The following WDR41 variants were observed in gnomAD, a reference collection of about 807,000 sequenced individuals.
WDR41 encodes WD repeat-containing protein 41.
A neutral mutation model predicts 69.3 loss-of-function variants in WDR41; 63 were observed. The observed-to-expected ratio is 0.91, with a 90% CI of 0.74 to 1.12. The LOEUF (loss-of-function observed/expected upper bound fraction) is 1.12. WDR41 is among the 50% of genes most tolerant of loss of function. The pLI is 0.00. For synonymous variants in WDR41, 185 were observed against 192.1 expected (o/e 0.96, Z 0.31); for missense variants, 543 against 534.5 (o/e 1.02, Z -0.16).
At chr5:77,610,430 A>G (rs1744523242) in intron 1 of WDR41, among the ~76,000 whole-genome samples, 1 of 152,252 alleles carries the variant, frequency 6.6e-6, no homozygotes, top group African/African-American at 2.4e-5. Flanking sequence ...CCACAAAGGG[A>G]AGCCCGTCAG....
rs1802414256 is a variant in WDR41, at chr5:77,524,308, C to A, written c.43-34736G>T. On this transcript the variant is annotated intron_variant, in intron 1 of 5. Coordinates refer to the WDR41 transcript ENST00000509971. ...AGTACTATGGAAATAATAAATCAGG[C>A]CAAGTGCGGTGGCACACACCTGTAA... Among the ~76,000 whole-genome samples the A allele has an allele frequency of 2.6e-5, 4 of 152,250 alleles. No homozygotes were observed. The South Asian group carries it at 8.3e-4, about 32-fold the overall frequency.
intron 1 of WDR41, chr5:77,583,188 A>AT (rs57586676): frequency 0.028 from 23,287 of 841,020 alleles, 327 homozygotes; most frequent in South Asian, 0.12. Flanking sequence ...TCAAATTGAA[A>AT]TAAAAAAAAA....
intron 1 of WDR41, among the ~76,000 whole-genome samples, chr5:77,620,252 A>C (rs901427005): frequency 6.6e-6 from 1 of 152,204 alleles, no homozygotes; most frequent in African/African-American, 2.4e-5. Flanking sequence ...CCTACTGCTT[A>C]AAAGTTCTTT....
At position 77,528,037 on chromosome 5, in the gene WDR41, A is replaced by G. The variant is rs7710097; in HGVS notation, c.43-38465T>C. Among the ~76,000 whole-genome samples, 702 of 151,874 alleles carry G rather than the reference A, an allele frequency of 4.6e-3. 7 individuals carry two copies. The highest frequency in any genetic ancestry group is 0.016 in the African/African-American group (678 of 41,548). Reference sequence around the variant, plus strand: ...AGGAAAAGCACAGCAAATTAAAGTCAAAATAGGAAGAAAATAATAAAGATT... The same window carrying G: ...AGGAAAAGCACAGCAAATTAAAGTCGAAATAGGAAGAAAATAATAAAGATT... On this transcript the variant is annotated intron_variant, in intron 1 of 5. Coordinates refer to the WDR41 transcript ENST00000509971.
At chr5:77,612,683 T>C (rs189248717) in intron 1 of WDR41, among the ~76,000 whole-genome samples, 13,763 of 152,132 alleles carry the variant, frequency 0.09, 859 homozygotes, top group East Asian at 0.25. Context: ...CCACAGCCAA[T>C]ATCAAACTGA....
At chr5:77,615,489 T>C (rs1744661682) in intron 1 of WDR41, among the ~76,000 whole-genome samples, 1 of 151,914 alleles carries the variant, frequency 6.6e-6, no homozygotes, top group African/African-American at 2.4e-5. Flanking sequence ...TAAATGGTAG[T>C]TCATTGTACT....
intron 1 of WDR41, among the ~76,000 whole-genome samples, chr5:77,545,072 T>C (rs966879415): frequency 6.6e-6 from 1 of 152,076 alleles, no homozygotes; most frequent in South Asian, 2.1e-4. Flanking sequence ...TGAATGATCA[T>C]TGGGTGAAAA....
intron 2 of WDR41, among the ~76,000 whole-genome samples, chr5:77,479,575 C>A (rs962000234): frequency 2.0e-5 from 3 of 152,026 alleles, no homozygotes; most frequent in African/African-American, 7.2e-5. Context: ...AATGGGGAAA[C>A]GATTCCCTAT....
intron 1 of WDR41, among the ~76,000 whole-genome samples, chr5:77,537,899 C>T (rs7715454): frequency 4.7e-4 from 71 of 152,064 alleles, no homozygotes; most frequent in Admixed American, 1.4e-3. Flanking sequence ...ATAGAATAGA[C>T]GAAAATATAT....
At chr5:77,584,604 C>T (rs918493662) in intron 1 of WDR41, among the ~76,000 whole-genome samples, 4 of 151,994 alleles carry the variant, frequency 2.6e-5, no homozygotes, top group African/African-American at 9.7e-5. Context: ...ACAAAACAAA[C>T]AAAAACATAA....
chr5:77,580,297 A>T (rs982849802), intron 1 of WDR41, among the ~76,000 whole-genome samples: 2 of 152,190 alleles, frequency 1.3e-5, no homozygotes, highest in Non-Finnish European at 2.9e-5. Context: ...GGCAGAAGGC[A>T]TCTCTTCACA....
rs573516519 is a variant in WDR41, at chr5:77,572,733, T to C, written c.42+47746A>G. Among the ~76,000 whole-genome samples, 69 of 152,360 alleles carry C rather than the reference T, an allele frequency of 4.5e-4. 1 individual carries two copies. The South Asian group carries it at 0.014, about 31-fold the overall frequency. On this transcript the variant is annotated intron_variant, in intron 1 of 5. Coordinates refer to the WDR41 transcript ENST00000509971. ...TTACCATTTCCAAAACAATGATTTG[T>C]CTCAAAGTGGTCAATTTCATTAAAC...
chr5:77,518,200 A>G (rs1561212998), intron 1 of WDR41, among the ~76,000 whole-genome samples: 1 of 152,152 alleles, frequency 6.6e-6, no homozygotes, highest in East Asian at 1.9e-4. Flanking sequence ...TTGTTGTTTA[A>G]GCTTGTTCTT....
intron 1 of WDR41, among the ~76,000 whole-genome samples, chr5:77,533,132 A>G (rs1123168): frequency 0.33 from 50,125 of 152,040 alleles, 8,424 homozygotes; most frequent in Middle Eastern, 0.36. Flanking sequence ...AGAAGGAAGT[A>G]TTTCCCATGA....
At chr5:77,496,513 A>G (rs369943320), upstream of WDR41, among the ~76,000 whole-genome samples, 4 of 152,246 alleles carry the variant, frequency 2.6e-5, no homozygotes, top group African/African-American at 9.6e-5. Flanking sequence ...TTCCATTTAC[A>G]ATAGCATCTA....
chr5:77,611,197 A>G (rs1302150632), intron 1 of WDR41, among the ~76,000 whole-genome samples: 24 of 152,194 alleles, frequency 1.6e-4, no homozygotes, highest in Admixed American at 1.5e-3. Context: ...ACTCCCACAC[A>G]TTAATAATGG....
At chr5:77,437,002 C>G (rs993710022) in intron 11 of WDR41, among the ~76,000 whole-genome samples, 4 of 152,194 alleles carry the variant, frequency 2.6e-5, no homozygotes, top group Non-Finnish European at 5.9e-5. Context: ...GGTTTGACAT[C>G]TGACGGTACA....
At chr5:77,505,454 G>A (rs554983679) in intron 1 of WDR41, among the ~76,000 whole-genome samples, 153 of 152,176 alleles carry the variant, frequency 1.0e-3, no homozygotes, top group Middle Eastern at 3.4e-3. Context: ...CATACTGCCC[G>A]AGGTAATTTA....
chr5:77,502,028 T>C (rs559346198), intron 1 of WDR41, among the ~76,000 whole-genome samples: 1 of 151,658 alleles, frequency 6.6e-6, no homozygotes, highest in Non-Finnish European at 1.5e-5. Context: ...CTTTGATGAG[T>C]TGACAGAAAT....
Sources: allele counts gnomAD v4.1 joint callset (sites outside exome capture counted in the v4.1 genomes callset), GRCh38; gene constraint gnomAD v4.1.1; transcripts MANE v1.5; gene names NCBI Gene and HGNC (gene_info 2026-07-23, HGNC 2026-07-21).